Variants in CADM2 observed in about 807,000 individuals in gnomAD.
CADM2 encodes immunoglobulin superfamily member 4D.
A neutral mutation model predicts 49.8 loss-of-function variants in CADM2; 12 were observed. That is an observed-to-expected ratio of 0.24 (90% confidence interval 0.15 to 0.39). CADM2 has a LOEUF of 0.39. Among genes scored for constraint, CADM2 ranks in the 10% least tolerant of loss-of-function variants. CADM2 has a pLI of 1.00. For synonymous variants in CADM2, 214 were observed against 175.4 expected (o/e 1.22, Z -1.74); for missense variants, 378 against 492.3 (o/e 0.77, Z 2.20).
intron 1 of CADM2, among the ~76,000 whole-genome samples, chr3:85,693,723 CA>C (rs397807084): frequency 0.11 from 7,112 of 66,480 alleles, 200 homozygotes; most frequent in Non-Finnish European, 0.13. Context: ...ACGTATCTAC[CA>C]AAAAAAAAAA....
chr3:85,891,647 A>AAAAC (rs1456350442), intron 5 of CADM2, among the ~76,000 whole-genome samples: 1 of 152,180 alleles, frequency 6.6e-6, no homozygotes. Flanking sequence ...GGCCTAGAAG[A>AAAAC]AAACAAATAG....
At chr3:85,757,026 G>A (rs373946958) in intron 2 of CADM2, among the ~76,000 whole-genome samples, 3 of 152,176 alleles carry the variant, frequency 2.0e-5, no homozygotes, top group South Asian at 2.1e-4. Context: ...CTCAGGAGAC[G>A]AAGTTTATCA....
intron 1 of CADM2, among the ~76,000 whole-genome samples, chr3:85,435,554 A>G (rs2036886869): frequency 6.6e-6 from 1 of 152,116 alleles, no homozygotes. Context: ...GCTGGGTCAA[A>G]CGGTATTTCT....
intron 1 of CADM2, among the ~76,000 whole-genome samples, chr3:85,628,193 T>C (rs1297560943): frequency 6.6e-6 from 1 of 152,054 alleles, no homozygotes; most frequent in Non-Finnish European, 1.5e-5. Flanking sequence ...AAAGTAGATA[T>C]AATTACATAA....
At chr3:85,138,491 T>C (rs2039484305) in intron 1 of CADM2, among the ~76,000 whole-genome samples, 1 of 152,192 alleles carries the variant, frequency 6.6e-6, no homozygotes, top group South Asian at 2.1e-4. Flanking sequence ...GGCAAAGATA[T>C]AAAGTAAAAT....
chr3:85,297,541 G>C (rs2106969626), intron 1 of CADM2, among the ~76,000 whole-genome samples: 1 of 152,112 alleles, frequency 6.6e-6, no homozygotes, highest in African/African-American at 2.4e-5. Context: ...ACAGGGTACT[G>C]GGGTCTCAGC....
intron 1 of CADM2, among the ~76,000 whole-genome samples, chr3:85,121,423 A>C (rs2038859046): frequency 6.6e-6 from 1 of 152,168 alleles, no homozygotes; most frequent in South Asian, 2.1e-4. Flanking sequence ...GCATCGAAGA[A>C]GGGTAGGTAA....
chr3:85,153,225 C>T lies in CADM2; in HGVS notation c.61+193557C>T, dbSNP rs980146096. On this transcript the variant is annotated intron_variant, in intron 1 of 9. Coordinates refer to ENST00000383699, the MANE Select transcript of CADM2 (RefSeq NM_001167675.2). ...GACAGTGGGCGCAGGTCAGTGGGTGCGCGCACCCTGCGCGAGCCGAAGCAG... is the reference window on the plus strand; with the variant it reads ...GACAGTGGGCGCAGGTCAGTGGGTGTGCGCACCCTGCGCGAGCCGAAGCAG... 6.6e-5 allele frequency among the ~76,000 whole-genome samples: 10 copies of T among 152,192 alleles called. No homozygotes were observed. In the East Asian group the frequency reaches 1.6e-3, roughly 24 times the overall value.
At chr3:84,963,030 T>A (rs763631080) in intron 1 of CADM2, among the ~76,000 whole-genome samples, 28 of 152,310 alleles carry the variant, frequency 1.8e-4, no homozygotes, top group Non-Finnish European at 3.7e-4. Flanking sequence ...TTTGTCCTCA[T>A]CCTCATCGTG....
intron 1 of CADM2, among the ~76,000 whole-genome samples, chr3:85,213,444 T>C (rs148968500): frequency 5.1e-4 from 78 of 152,232 alleles, no homozygotes; most frequent in African/African-American, 1.8e-3. Context: ...CTACCAGACA[T>C]AGTGGAGCTC....
intron 3 of CADM2, among the ~76,000 whole-genome samples, chr3:85,879,700 AG>A (rs1371312917): frequency 1.3e-5 from 2 of 152,156 alleles, no homozygotes; most frequent in African/African-American, 4.8e-5. Flanking sequence ...TGCAGTTGTA[AG>A]AAATAATAGA....
chr3:85,751,028 T>C (rs1433079949), intron 2 of CADM2, among the ~76,000 whole-genome samples: 2 of 151,996 alleles, frequency 1.3e-5, no homozygotes, highest in East Asian at 3.9e-4. Context: ...AAAGAACATT[T>C]TGAAAAGTAA....
At chr3:85,348,937 A>G (rs1021887722) in intron 1 of CADM2, among the ~76,000 whole-genome samples, 3 of 152,162 alleles carry the variant, frequency 2.0e-5, no homozygotes, top group Non-Finnish European at 2.9e-5. Context: ...ATTCAAATAC[A>G]ATGAATACAA....
rs76229151 is a variant in CADM2, at chr3:85,116,829, A to G, written c.61+157161A>G. On this transcript the variant is annotated intron_variant, in intron 1 of 9. Coordinates refer to ENST00000383699, the MANE Select transcript of CADM2 (RefSeq NM_001167675.2). ...TACAGTTAAATGGTATAAAAAAATC[A>G]TGTTCTTACCTTAGGACATTTTTCT... 4.8e-3 allele frequency among the ~76,000 whole-genome samples: 723 copies of G among 152,192 alleles called. 6 individuals are homozygous for G. The highest frequency in any genetic ancestry group is 0.017 in the African/African-American group (701 of 41,532).
chr3:85,935,908 G>A (rs1269168311), intron 7 of CADM2, 51 bp downstream of exon 7: 1 of 1,087,124 alleles, frequency 9.2e-7, no homozygotes. Flanking sequence ...CTTTTATCTT[G>A]CTTTGATTAC....
chr3:85,072,040 A>T (rs2036765827), intron 1 of CADM2, among the ~76,000 whole-genome samples: 1 of 151,340 alleles, frequency 6.6e-6, no homozygotes, highest in Non-Finnish European at 1.5e-5. Context: ...ATCATCTTCA[A>T]ACCAAAATAT....
At chr3:85,931,830 A>C (rs1339736459) in intron 6 of CADM2, among the ~76,000 whole-genome samples, 2 of 151,972 alleles carry the variant, frequency 1.3e-5, no homozygotes, top group African/African-American at 4.8e-5. Context: ...AACATAAATG[A>C]TACAGGTTAT....
chr3:85,016,385 G>C (rs2034248811), intron 1 of CADM2, among the ~76,000 whole-genome samples: 1 of 152,206 alleles, frequency 6.6e-6, no homozygotes, highest in East Asian at 1.9e-4. Context: ...GATATAGGTT[G>C]GTTTAGAGGA....
At chr3:85,694,013 G>C (rs550824033) in intron 1 of CADM2, among the ~76,000 whole-genome samples, 1 of 151,742 alleles carries the variant, frequency 6.6e-6, no homozygotes, top group East Asian at 1.9e-4. Context: ...ACCGACTTTT[G>C]GTAGTTTTGT....
Sources: allele counts gnomAD v4.1 joint callset (sites outside exome capture counted in the v4.1 genomes callset), GRCh38; gene constraint gnomAD v4.1.1; transcripts MANE v1.5; gene names NCBI Gene and HGNC (gene_info 2026-07-23, HGNC 2026-07-21).